PDE8A: variants seen among roughly 807,000 people sequenced by gnomAD.
PDE8A encodes high affinity cAMP-specific and IBMX-insensitive 3',5'-cyclic phosphodiesterase 8A.
In PDE8A, 59 loss-of-function variants were observed where a neutral mutation model predicts 105.0. The observed-to-expected ratio is 0.56, with a 90% CI of 0.46 to 0.70. The LOEUF (loss-of-function observed/expected upper bound fraction) is 0.70, where lower values mean the gene tolerates loss of function less well. Ranked by LOEUF, PDE8A falls within the 30% of genes least tolerant of loss-of-function variation. PDE8A has a pLI of 0.00. For synonymous variants in PDE8A, 355 were observed against 371.9 expected, an observed-to-expected ratio of 0.95 and a Z score of 0.52; for missense variants, 1,014 against 1,045.9, an observed-to-expected ratio of 0.97 and a Z score of 0.42.
intron 3 of PDE8A, among the ~76,000 whole-genome samples, chr15:85,074,989 T>C (rs2081361407): frequency 6.6e-6 from 1 of 152,192 alleles, no homozygotes; most frequent in Non-Finnish European, 1.5e-5. Context: ...TTCCTCTGGG[T>C]CTGGGGTGAG....
rs988495255 is a variant in PDE8A, at chr15:85,138,786, T to G, written c.*883T>G. ...CTCCCCAAGGTAAAACTAGACTCTC[T>G]TGTTGGTTCGCAAAGAAAAGTTAGG... is the stretch of plus-strand genomic sequence containing the variant. On this transcript the variant is annotated 3_prime_UTR_variant, in exon 22 of 22. Transcript: ENST00000394553. 5 of 152,242 alleles carry G rather than the reference T, an allele frequency of 3.3e-5. No individual in the cohort carries two copies. Among genetic ancestry groups the G allele is most frequent in the African/African-American group, 1.2e-4 (5 of 41,460 alleles). 9.4% of individuals were successfully genotyped at this position (152,242 alleles called of 1,614,324 possible). A position where few individuals can be genotyped will look rare whatever the true frequency, so the allele number is the denominator to read the frequency against.
intron 3 of PDE8A, among the ~76,000 whole-genome samples, chr15:85,072,773 G>A (rs2081330202): frequency 1.3e-5 from 2 of 152,076 alleles, no homozygotes; most frequent in African/African-American, 4.8e-5. Context: ...TATCTTGTGT[G>A]GCCAAAAGGA....
At chr15:85,021,416 G>C (rs1013076450) in intron 1 of PDE8A, among the ~76,000 whole-genome samples, 1 of 152,102 alleles carries the variant, frequency 6.6e-6, no homozygotes, top group Non-Finnish European at 1.5e-5. Flanking sequence ...GGTGGCCTTT[G>C]CCCGTAGTCC....
intron 1 of PDE8A, among the ~76,000 whole-genome samples, chr15:85,059,434 C>T (rs956729945): frequency 6.6e-6 from 1 of 152,126 alleles, no homozygotes; most frequent in Admixed American, 6.5e-5. Flanking sequence ...GTGTTGAAGT[C>T]TTCAACTATA....
At chr15:85,118,786 A>T (rs2082135594) in intron 17 of PDE8A, among the ~76,000 whole-genome samples, 1 of 152,236 alleles carries the variant, frequency 6.6e-6, no homozygotes, top group South Asian at 2.1e-4. Context: ...GGCCAGGGCA[A>T]GTGGCTCCTG....
At chr15:85,021,545 A>G (rs2080426911) in intron 1 of PDE8A, among the ~76,000 whole-genome samples, 1 of 151,914 alleles carries the variant, frequency 6.6e-6, no homozygotes, top group Non-Finnish European at 1.5e-5. Flanking sequence ...GCAACTGAGC[A>G]GTACCCTGGC....
intron 1 of PDE8A, among the ~76,000 whole-genome samples, chr15:85,007,895 A>G (rs1181797416): frequency 2.0e-5 from 3 of 152,192 alleles, no homozygotes; most frequent in Non-Finnish European, 4.4e-5. Flanking sequence ...AAGTATGGCC[A>G]TACAGTGGTG....
chr15:85,052,648 T>C (rs990685018), intron 1 of PDE8A, among the ~76,000 whole-genome samples: 9 of 152,246 alleles, frequency 5.9e-5, no homozygotes, highest in African/African-American at 2.2e-4. Context: ...TTCATATCCT[T>C]TGCCCACTTG....
chr15:85,042,954 TGTC>T (rs2080833523), intron 1 of PDE8A, among the ~76,000 whole-genome samples: 1 of 152,210 alleles, frequency 6.6e-6, no homozygotes, highest in Admixed American at 6.5e-5. Flanking sequence ...TTGTGTGGAT[TGTC>T]ATTCTCATTG....
chr15:85,116,232 C>T (rs765210995), intron 16 of PDE8A, 113 bp downstream of exon 16: 2 of 1,138,646 alleles, frequency 1.8e-6, no homozygotes, highest in Non-Finnish European at 2.5e-6. Context: ...CAGGGTGGGG[C>T]CCTAAGGAAG....
intron 1 of PDE8A, among the ~76,000 whole-genome samples, chr15:85,055,845 G>T (rs2081050849): frequency 6.6e-6 from 1 of 152,136 alleles, no homozygotes; most frequent in South Asian, 2.1e-4. Flanking sequence ...ATTTGATCCT[G>T]TCATTATGAT....
intron 12 of PDE8A, among the ~76,000 whole-genome samples, chr15:85,113,040 G>C (rs1041128879): frequency 6.6e-6 from 1 of 152,170 alleles, no homozygotes; most frequent in African/African-American, 2.4e-5. Context: ...TTTACTCCTA[G>C]AGAATGGCAA....
At chr15:85,056,342 T>G (rs1416738020) in intron 1 of PDE8A, among the ~76,000 whole-genome samples, 1 of 152,188 alleles carries the variant, frequency 6.6e-6, no homozygotes, top group Non-Finnish European at 1.5e-5. Flanking sequence ...TTTCCTGAAT[T>G]TGAATGTTGG....
chr15:85,086,267 G>A (rs1206391841), intron 6 of PDE8A, among the ~76,000 whole-genome samples: 1 of 152,162 alleles, frequency 6.6e-6, no homozygotes, highest in Non-Finnish European at 1.5e-5. Flanking sequence ...GGATGACGAA[G>A]TCATTATAAA....
Position 85,117,858 on chromosome 15 carries a change from G to C in PDE8A, c.1734+19G>C. 6.3e-7 allele frequency: 1 copy of C among 1,586,718 alleles called. No homozygotes were observed. The highest frequency in any genetic ancestry group is 8.7e-7 in the Non-Finnish European group (1 of 1,155,674). ...GATAAAGGTGAGCTGTTGTTTACCTGCCACATTTAATGGGCAGGAGCAGTG... is the reference window on the plus strand; with the variant it reads ...GATAAAGGTGAGCTGTTGTTTACCTCCCACATTTAATGGGCAGGAGCAGTG... On this transcript the variant is annotated intron_variant, in intron 17 of 21. Coordinates refer to ENST00000394553, the MANE Select transcript of PDE8A (RefSeq NM_002605.3).
intron 6 of PDE8A, among the ~76,000 whole-genome samples, chr15:85,085,657 A>G (rs2081539941): frequency 6.6e-6 from 1 of 151,762 alleles, no homozygotes; most frequent in South Asian, 2.1e-4. Flanking sequence ...CCTGGGCAAC[A>G]AGAGCAAGAC....
At chr15:84,997,647 C>G (rs370561136) in intron 1 of PDE8A, among the ~76,000 whole-genome samples, 69 of 152,086 alleles carry the variant, frequency 4.5e-4, no homozygotes, top group South Asian at 2.7e-3. Context: ...GGCCGGAGTG[C>G]AATGGTGCGA....
chr15:85,025,589 C>G (rs72757023), intron 1 of PDE8A, among the ~76,000 whole-genome samples: 2,441 of 152,276 alleles, frequency 0.016, 32 homozygotes, highest in African/African-American at 0.027. Context: ...TATCATCCCC[C>G]CTCTTTTTTA....
At chr15:84,986,409 C>A (rs1334293254) in intron 1 of PDE8A, among the ~76,000 whole-genome samples, 1 of 152,122 alleles carries the variant, frequency 6.6e-6, no homozygotes, top group Non-Finnish European at 1.5e-5. Context: ...CCTTCAACCT[C>A]TTTTCTCTTA....
Sources: gnomAD v4.1 joint callset for allele counts (sites outside exome capture counted in the v4.1 genomes callset) on GRCh38, gnomAD v4.1.1 for gene constraint, MANE v1.5 for transcripts, NCBI Gene and HGNC (gene_info 2026-07-23, HGNC 2026-07-21) for gene names.